The following KCNH5 variants were observed in gnomAD, a reference collection of about 807,000 sequenced individuals.
KCNH5 encodes voltage-gated delayed rectifier potassium channel KCNH5.
KCNH5 carries 46 observed loss-of-function variants against 96.1 expected under a neutral mutation model. That is an observed-to-expected ratio of 0.48 (90% CI 0.38 to 0.61). The LOEUF is 0.61. KCNH5 is among the 20% of genes least tolerant of loss of function. The probability of loss-of-function intolerance (pLI) is 0.00; values close to 1 mark genes in which losing one functional copy is unlikely to be tolerated. For missense variants in KCNH5, 907 were observed against 1,225.8 expected, an observed-to-expected ratio of 0.74 and a Z score of 3.88; for synonymous variants, 439 against 449.8, an observed-to-expected ratio of 0.98 and a Z score of 0.30.
rs144466546 is a variant in KCNH5 at position 62,952,160 on chromosome 14, A to G, written c.943-1601T>C. ...CCTGCTGGGTTTCTGCCTCAACTTC[A>G]ATTTCCTTAGGCCTACCTCTATTTA... is the stretch of plus-strand genomic sequence containing the variant. On this transcript the variant is annotated intron_variant, in intron 6 of 10. Transcript: ENST00000322893. Among the ~76,000 whole-genome samples, 253 of 152,272 alleles carry G rather than the reference A, an allele frequency of 1.7e-3. 3 individuals carry two copies. The highest frequency in any genetic ancestry group is 5.9e-3 in the African/African-American group (246 of 41,566).
chr14:63,017,246 G>A (rs954825307), intron 1 of KCNH5, among the ~76,000 whole-genome samples: 1 of 151,952 alleles, frequency 6.6e-6, no homozygotes, highest in African/African-American at 2.4e-5. Flanking sequence ...AGTGTAGTTA[G>A]TAATAAATAA....
intron 9 of KCNH5, among the ~76,000 whole-genome samples, chr14:62,785,063 T>C (rs1027519703): frequency 2.6e-5 from 4 of 152,210 alleles, no homozygotes; most frequent in Admixed American, 6.5e-5. Context: ...AGAATTTTCA[T>C]TGGGATATGC....
intron 7 of KCNH5, among the ~76,000 whole-genome samples, chr14:62,915,951 C>CTTTTTTTTTTTTTTTTTT (rs1039693919): frequency 7.2e-6 from 1 of 138,474 alleles, no homozygotes; most frequent in South Asian, 2.2e-4. Flanking sequence ...CTTTTTTTTT[C>CTTTTTTTTTTTTTTTTTT]TTTTTTTTCT....
chr14:62,937,673 A>G (rs1889711606), intron 7 of KCNH5, among the ~76,000 whole-genome samples: 1 of 152,226 alleles, frequency 6.6e-6, no homozygotes, highest in East Asian at 1.9e-4. Flanking sequence ...TGTTACAGGA[A>G]GAAGATTCGT....
Position 62,950,670 on chromosome 14 carries a change from A to G in KCNH5, c.943-111T>C, listed in dbSNP as rs561615728. 3.5e-6 allele frequency: 3 copies of G among 863,532 alleles called. No homozygotes were observed. The South Asian group carries it at 6.3e-5, about 18-fold the overall frequency. 53.5% of individuals were successfully genotyped at this position (863,532 alleles called of 1,614,324 possible). On this transcript the variant is annotated intron_variant, in intron 6 of 10. Coordinates refer to ENST00000322893, the MANE Select transcript of KCNH5 (RefSeq NM_139318.5). ...AATTTAACCATCCAATTATATATTA[A>G]GAACATATGTATATTATAGGTCTGA...
intron 9 of KCNH5, among the ~76,000 whole-genome samples, chr14:62,799,724 T>TACACACACAC (rs1409861114): frequency 9.6e-6 from 1 of 104,368 alleles, no homozygotes; most frequent in African/African-American, 3.7e-5. Flanking sequence ...TATATATATA[T>TACACACACAC]ATACACACAC....
chr14:62,944,622 T>C (rs1375241717), intron 7 of KCNH5, among the ~76,000 whole-genome samples: 3 of 152,178 alleles, frequency 2.0e-5, no homozygotes, highest in Non-Finnish European at 2.9e-5. Flanking sequence ...AAAATGATAC[T>C]ATATTTACAA....
intron 1 of KCNH5, among the ~76,000 whole-genome samples, chr14:63,025,762 T>C (rs1192447088): frequency 6.6e-6 from 1 of 151,762 alleles, no homozygotes; most frequent in Admixed American, 6.6e-5. Context: ...ACTGGAAGAA[T>C]TAATATTGTT....
intron 7 of KCNH5, among the ~76,000 whole-genome samples, chr14:62,904,983 C>G (rs975614239): frequency 1.3e-5 from 2 of 152,186 alleles, no homozygotes; most frequent in Non-Finnish European, 2.9e-5. Flanking sequence ...TCAAAATATA[C>G]GCTACCATGG....
chr14:62,812,554 G>A (rs1037004029), intron 8 of KCNH5, among the ~76,000 whole-genome samples: 10 of 151,936 alleles, frequency 6.6e-5, no homozygotes, highest in Non-Finnish European at 1.5e-4. Context: ...CATGCACTAT[G>A]GTATCAATAA....
intron 10 of KCNH5, among the ~76,000 whole-genome samples, chr14:62,777,329 C>T (rs988846590): frequency 6.6e-6 from 1 of 152,182 alleles, no homozygotes; most frequent in Non-Finnish European, 1.5e-5. Flanking sequence ...TATTAGGGAA[C>T]TAGCTGTTCC....
chr14:62,801,499 A>ATTTTTTTT (rs35409070), intron 9 of KCNH5, among the ~76,000 whole-genome samples: 1 of 108,860 alleles, frequency 9.2e-6, no homozygotes, highest in African/African-American at 3.4e-5. Flanking sequence ...TCATTTGGCA[A>ATTTTTTTT]TTTTTTTTTT....
intron 10 of KCNH5, among the ~76,000 whole-genome samples, chr14:62,777,542 C>A (rs1886123176): frequency 6.6e-6 from 1 of 152,132 alleles, no homozygotes; most frequent in Non-Finnish European, 1.5e-5. Context: ...TATATTGTTT[C>A]TCTGAAAATA....
chr14:62,999,761 C>T (rs1890976842), intron 4 of KCNH5, among the ~76,000 whole-genome samples: 1 of 145,898 alleles, frequency 6.9e-6, no homozygotes, highest in Non-Finnish European at 1.5e-5. Flanking sequence ...ATACCTAATG[C>T]TAAATGACGA....
chr14:62,736,855 G>A (rs1024205407), intron 10 of KCNH5, among the ~76,000 whole-genome samples: 4 of 152,086 alleles, frequency 2.6e-5, no homozygotes, highest in Non-Finnish European at 4.4e-5. Context: ...TACGCTTACA[G>A]TGAATTCCAA....
intron 7 of KCNH5, among the ~76,000 whole-genome samples, chr14:62,875,425 T>C (rs1888351422): frequency 6.6e-6 from 1 of 152,214 alleles, no homozygotes; most frequent in African/African-American, 2.4e-5. Flanking sequence ...GGCATCACTC[T>C]ACCCCACTTC....
At chr14:62,787,437 A>T (rs1361042339) in intron 9 of KCNH5, among the ~76,000 whole-genome samples, 1 of 152,216 alleles carries the variant, frequency 6.6e-6, no homozygotes, top group East Asian at 1.9e-4. Context: ...AACCATCTCC[A>T]CAACATAAAA....
intron 8 of KCNH5, among the ~76,000 whole-genome samples, chr14:62,844,720 C>G (rs1421047289): frequency 6.6e-6 from 1 of 152,138 alleles, no homozygotes; most frequent in East Asian, 1.9e-4. Flanking sequence ...TTGCCTAAAG[C>G]AAACTTTCAT....
At position 62,893,286 on chromosome 14, in the gene KCNH5, C is replaced by T. The variant is rs557140786; in HGVS notation, c.1370-43434G>A. On this transcript the variant is annotated intron_variant, in intron 7 of 10. Transcript: ENST00000322893. Reference sequence around the variant, plus strand: ...AGTAACTGCAGATGTGGTGGGGATACCAAGAGAACTAGAATTAGAACTGGA... The same window carrying T: ...AGTAACTGCAGATGTGGTGGGGATATCAAGAGAACTAGAATTAGAACTGGA... 3.2e-4 allele frequency among the ~76,000 whole-genome samples: 49 copies of T among 152,126 alleles called. 1 individual carries two copies. The South Asian group carries it at 7.9e-3, about 25-fold the overall frequency.
Sources: gnomAD v4.1 joint callset for allele counts (sites outside exome capture counted in the v4.1 genomes callset) on GRCh38, gnomAD v4.1.1 for gene constraint, MANE v1.5 for transcripts, NCBI Gene and HGNC (gene_info 2026-07-23, HGNC 2026-07-21) for gene names.